The following UGT1A9 variants were observed in gnomAD, a reference collection of about 807,000 sequenced individuals.
The protein encoded by UGT1A9 is UDP-glucuronosyltransferase 1A9.
A neutral mutation model predicts 45.0 loss-of-function variants in UGT1A9; 35 were observed. The observed-to-expected ratio is 0.78, with a 90% CI of 0.59 to 1.03. The LOEUF (loss-of-function observed/expected upper bound fraction) is 1.03, where lower values mean the gene tolerates loss of function less well. UGT1A9 is among the 50% of genes least tolerant of loss of function. UGT1A9 has a pLI of 0.00. For missense variants in UGT1A9, 687 were observed against 666.6 expected, an observed-to-expected ratio of 1.03 and a Z score of -0.34; for synonymous variants, 278 against 250.6, an observed-to-expected ratio of 1.11 and a Z score of -1.03.
intron 1 of UGT1A9, among the ~76,000 whole-genome samples, chr2:233,681,203 C>A (rs1163915623): frequency 6.6e-6 from 1 of 151,820 alleles, no homozygotes; most frequent in Non-Finnish European, 1.5e-5. Context: ...ACATGAGATG[C>A]CAATTTCTTT....
chr2:233,729,985 C>G, intron 1 of UGT1A9: 1 of 1,614,044 alleles, frequency 6.2e-7, no homozygotes. Flanking sequence ...CAGGAAGCCA[C>G]TATCTCAGGT....
chr2:233,725,380 C>A (rs2077441850), intron 1 of UGT1A9, among the ~76,000 whole-genome samples: 1 of 149,278 alleles, frequency 6.7e-6, no homozygotes, highest in East Asian at 1.9e-4. Context: ...TTAAAAAATT[C>A]TTAATAGGTT....
At chr2:233,704,742 G>A (rs1423221721) in intron 1 of UGT1A9, among the ~76,000 whole-genome samples, 1 of 151,988 alleles carries the variant, frequency 6.6e-6, no homozygotes, top group East Asian at 1.9e-4. Flanking sequence ...CCTCCCTTGT[G>A]CTATTATTGT....
chr2:233,686,170 A>G (rs1372808829), intron 1 of UGT1A9, among the ~76,000 whole-genome samples: 1 of 152,190 alleles, frequency 6.6e-6, no homozygotes, highest in Non-Finnish European at 1.5e-5. Context: ...ACCTAAATAG[A>G]AAATCTAAAA....
At chr2:233,714,240 G>A (rs974557755) in intron 1 of UGT1A9, among the ~76,000 whole-genome samples, 4 of 152,188 alleles carry the variant, frequency 2.6e-5, no homozygotes, top group Non-Finnish European at 4.4e-5. Flanking sequence ...TCAGTAGAAA[G>A]GAGGAAGGAA....
Position 233,697,763 on chromosome 2 carries a change from C to T in UGT1A9, c.855+24974C>T, listed in dbSNP as rs369602705. On this transcript the variant is annotated intron_variant, in intron 1 of 4. Coordinates refer to ENST00000354728, the MANE Select transcript of UGT1A9 (RefSeq NM_021027.3). ...TTGCTATAGCCCATAGATTTTGATACATTGTGTTTCCATTTTCATTCGTTT... is the reference window on the plus strand; with the variant it reads ...TTGCTATAGCCCATAGATTTTGATATATTGTGTTTCCATTTTCATTCGTTT... Among the ~76,000 whole-genome samples the T allele has an allele frequency of 3.3e-5, 5 of 151,988 alleles. No homozygotes were observed. The South Asian group carries it at 1.0e-3, about 32-fold the overall frequency.
chr2:233,711,525 A>G (rs28898593), intron 1 of UGT1A9, among the ~76,000 whole-genome samples: 3,267 of 151,616 alleles, frequency 0.022, 100 homozygotes, highest in African/African-American at 0.073. Flanking sequence ...TGTCCTCACA[A>G]CTCCCCGGGA....
chr2:233,683,832 G>A (rs2074653518), intron 1 of UGT1A9, among the ~76,000 whole-genome samples: 3 of 152,102 alleles, frequency 2.0e-5, no homozygotes, highest in Admixed American at 2.0e-4. Flanking sequence ...GTATTAGTAT[G>A]TAAGGTGTAT....
chr2:233,719,211 C>T, intron 1 of UGT1A9: 2 of 1,614,194 alleles, frequency 1.2e-6, no homozygotes, highest in Non-Finnish European at 1.7e-6. Flanking sequence ...TTGTGTGGAG[C>T]TACTGCATAA....
At chr2:233,730,071 T>C in intron 1 of UGT1A9, 2 of 1,609,386 alleles carry the variant, frequency 1.2e-6, no homozygotes, top group Non-Finnish European at 1.7e-6. Context: ...TAAAATTGCT[T>C]CCATATTTAC....
chr2:233,695,907 T>C (rs1160810678), intron 1 of UGT1A9, among the ~76,000 whole-genome samples: 6 of 152,140 alleles, frequency 3.9e-5, no homozygotes, highest in African/African-American at 1.4e-4. Flanking sequence ...GTGGGGTTTT[T>C]TTTCTCCACA....
intron 1 of UGT1A9, chr2:233,721,841 T>A (rs1420005948): frequency 1.9e-6 from 1 of 515,702 alleles, no homozygotes; most frequent in East Asian, 5.5e-5. Context: ...CGACCTTGTG[T>A]CCAGCCCCAC....
intron 1 of UGT1A9, among the ~76,000 whole-genome samples, chr2:233,688,167 A>G (rs986637125): frequency 6.6e-6 from 1 of 152,182 alleles, no homozygotes; most frequent in African/African-American, 2.4e-5. Flanking sequence ...TGGGCATTTC[A>G]TGGAAATGGA....
At chr2:233,766,543 C>T (rs1171060177) in intron 1 of UGT1A9, among the ~76,000 whole-genome samples, 8 of 152,170 alleles carry the variant, frequency 5.3e-5, no homozygotes, top group Admixed American at 5.2e-4. Flanking sequence ...AACAAAAATG[C>T]CTGTCCTCAC....
chr2:233,763,254 T>C (rs1698269941), intron 1 of UGT1A9, among the ~76,000 whole-genome samples: 1 of 152,240 alleles, frequency 6.6e-6, no homozygotes, highest in Non-Finnish European at 1.5e-5. Context: ...TAGTAACCTG[T>C]TTTGTCTTGT....
At chr2:233,697,673 T>G (rs1297148810) in intron 1 of UGT1A9, among the ~76,000 whole-genome samples, 1 of 152,122 alleles carries the variant, frequency 6.6e-6, no homozygotes. Context: ...GGTTGTTTAT[T>G]CAAAATATTT....
At chr2:233,693,566 C>T in intron 1 of UGT1A9, 1 of 1,614,202 alleles carries the variant, frequency 6.2e-7, no homozygotes, top group South Asian at 1.1e-5. Context: ...AAGCCCAGAC[C>T]CTGTGTCCTA....
intron 1 of UGT1A9, among the ~76,000 whole-genome samples, chr2:233,686,344 T>C (rs1306705883): frequency 6.6e-6 from 1 of 152,140 alleles, no homozygotes; most frequent in Non-Finnish European, 1.5e-5. Context: ...ACAAAAGCTT[T>C]TGTATATCAA....
At chr2:233,696,082 G>A (rs1487950233) in intron 1 of UGT1A9, among the ~76,000 whole-genome samples, 3 of 152,080 alleles carry the variant, frequency 2.0e-5, no homozygotes, top group Admixed American at 2.0e-4. Flanking sequence ...AGAACAGTAT[G>A]GAGAGTCTTC....
Sources: allele counts gnomAD v4.1 joint callset (sites outside exome capture counted in the v4.1 genomes callset), GRCh38; gene constraint gnomAD v4.1.1; transcripts MANE v1.5; gene names NCBI Gene and HGNC (gene_info 2026-07-23, HGNC 2026-07-21).